FUT8: variants seen among roughly 807,000 people sequenced by gnomAD.
The protein encoded by FUT8 is alpha-(1,6)-fucosyltransferase.
FUT8 carries 29 observed loss-of-function variants against 71.3 expected under a neutral mutation model. The ratio of observed to expected loss-of-function variants is 0.41; its 90% CI spans 0.30 to 0.55. The LOEUF (loss-of-function observed/expected upper bound fraction) is 0.55, where lower values mean the gene tolerates loss of function less well. Ranked by LOEUF, FUT8 falls within the 20% of genes least tolerant of loss-of-function variation. The pLI is 0.34. For synonymous variants in FUT8, 254 were observed against 239.3 expected (o/e 1.06, Z -0.57); for missense variants, 544 against 702.1 (o/e 0.77, Z 2.55).
chr14:65,644,603 C>T (rs1176262243), intron 6 of FUT8, among the ~76,000 whole-genome samples: 12 of 151,982 alleles, frequency 7.9e-5, no homozygotes, highest in African/African-American at 1.5e-4. Context: ...CCTCGTGATC[C>T]GCCTGCCTCG....
At chr14:65,691,906 A>C (rs972662286) in intron 7 of FUT8, among the ~76,000 whole-genome samples, 10 of 152,230 alleles carry the variant, frequency 6.6e-5, no homozygotes, top group African/African-American at 2.4e-4. Context: ...TTCAGAGAGC[A>C]CTGGGTTGGG....
At chr14:65,368,763 C>T in the FUT8 span, among the ~76,000 whole-genome samples, 25 of 151,456 alleles carry the variant, frequency 1.7e-4, no homozygotes, top group East Asian at 4.3e-3. Context: ...CCTGGTGATC[C>T]GCCCCGCCTC....
chr14:65,365,032 A>T, the FUT8 span, among the ~76,000 whole-genome samples: 2 of 152,038 alleles, frequency 1.3e-5, no homozygotes, highest in Admixed American at 1.3e-4. Context: ...CTTCACATTA[A>T]TCTATTCTCC....
chr14:65,616,476 A>C, intron 5 of FUT8, 103 bp downstream of exon 5: 1 of 999,980 alleles, frequency 1.0e-6, no homozygotes, highest in Admixed American at 2.4e-5. Context: ...AAATATTAAT[A>C]GCACCTACAA....
chr14:65,432,538 T>G (rs1188437874), intron 1 of FUT8, among the ~76,000 whole-genome samples: 3 of 151,872 alleles, frequency 2.0e-5, no homozygotes, highest in East Asian at 3.9e-4. Context: ...TAAACAGGAG[T>G]TGGGTAAAAT....
intron 1 of FUT8, among the ~76,000 whole-genome samples, chr14:65,417,114 T>G (rs2065230796): frequency 1.3e-5 from 2 of 152,034 alleles, no homozygotes; most frequent in Non-Finnish European, 2.9e-5. Flanking sequence ...GATTTTTGTT[T>G]GTTTGTTTGT....
chr14:65,641,080 T>G (rs1371828405), intron 6 of FUT8, among the ~76,000 whole-genome samples: 3 of 152,194 alleles, frequency 2.0e-5, no homozygotes, highest in Admixed American at 6.5e-5. Flanking sequence ...AGTTTTGACG[T>G]ATACAGACAC....
intron 7 of FUT8, among the ~76,000 whole-genome samples, chr14:65,715,974 CA>C (rs36028848): frequency 9.9e-4 from 126 of 126,978 alleles, no homozygotes; most frequent in Middle Eastern, 8.6e-3. Context: ...GACCCTCTCT[CA>C]AAAAAAAAAA....
intron 2 of FUT8, among the ~76,000 whole-genome samples, chr14:65,552,962 C>T (rs1225053063): frequency 1.3e-5 from 2 of 152,008 alleles, no homozygotes; most frequent in Non-Finnish European, 2.9e-5. Context: ...GAAATACGTT[C>T]TTTTTTTCCC....
At chr14:65,424,739 C>T (rs1284956638) in intron 1 of FUT8, among the ~76,000 whole-genome samples, 1 of 152,056 alleles carries the variant, frequency 6.6e-6, no homozygotes, top group Non-Finnish European at 1.5e-5. Context: ...TAGCTCACTG[C>T]AACCTCTGCC....
intron 7 of FUT8, among the ~76,000 whole-genome samples, chr14:65,686,557 TAGTTTTAAG>T (rs1427125882): frequency 6.6e-6 from 1 of 152,250 alleles, no homozygotes; most frequent in Admixed American, 6.5e-5. Flanking sequence ...TTAAAGTTGT[TAGTTTTAAG>T]AGTTGTTTTT....
intron 2 of FUT8, among the ~76,000 whole-genome samples, chr14:65,505,866 G>C (rs2898818): frequency 0.69 from 104,581 of 151,834 alleles, 36,241 homozygotes; most frequent in East Asian, 0.86. Context: ...GTATCTCACC[G>C]TCATTCCTTA....
chr14:65,507,163 G>A (rs2066749047), intron 2 of FUT8, among the ~76,000 whole-genome samples: 1 of 152,164 alleles, frequency 6.6e-6, no homozygotes, highest in African/African-American at 2.4e-5. Flanking sequence ...AAGATTATAT[G>A]AGTAAACAAG....
At position 65,634,438 on chromosome 14, in the gene FUT8, G is replaced by T. The variant is rs376219973; in HGVS notation, c.597+4832G>T. ...GACACAAACACTGCGGAAGGCTGCA[G>T]GGTCCTCTGCCTAGGAAAACCAGAG... is the stretch of plus-strand genomic sequence containing the variant. On this transcript the variant is annotated intron_variant, in intron 6 of 10. Transcript: ENST00000673929. Among the ~76,000 whole-genome samples, 12 of 152,024 alleles carry T rather than the reference G, an allele frequency of 7.9e-5. No individual in the cohort carries two copies. In the East Asian group the frequency reaches 1.3e-3, roughly 17 times the overall value.
upstream of FUT8, among the ~76,000 whole-genome samples, chr14:65,409,437 T>G (rs2065101528): frequency 6.6e-6 from 1 of 152,202 alleles, no homozygotes; most frequent in South Asian, 2.1e-4. The surrounding 1 kb of genome is among the most constrained non-coding windows in gnomAD (Gnocchi z 5.4). Flanking sequence ...AAGGTTTGAT[T>G]TGAGAATTAA....
In FUT8 at chr14:65,595,631, C is replaced by T. The variant is rs866571652; in HGVS notation, c.204-20347C>T. Among the ~76,000 whole-genome samples the T allele has an allele frequency of 2.5e-3, 215 of 86,270 alleles. 2 individuals carry two copies. Among genetic ancestry groups the T allele is most frequent in the South Asian group, 8.8e-3 (19 of 2,164 alleles). The allele number at this position is 86,270 out of a possible 152,430, so 56.6% of individuals were successfully genotyped here. On this transcript the variant is annotated intron_variant, in intron 3 of 10. Transcript: ENST00000673929. Reference sequence around the variant, plus strand: ...TTTTTTTTTTTTTTTTTTTTTGAGACGGAGTCTCTCTCTGTCACCCAGGCT... The same window carrying T: ...TTTTTTTTTTTTTTTTTTTTTGAGATGGAGTCTCTCTCTGTCACCCAGGCT...
the FUT8 span, among the ~76,000 whole-genome samples, chr14:65,367,477 G>A: frequency 6.6e-6 from 1 of 152,134 alleles, no homozygotes; most frequent in Non-Finnish European, 1.5e-5. Flanking sequence ...GCCCAATTTG[G>A]AAGGGTGGTA....
intron 2 of FUT8, among the ~76,000 whole-genome samples, chr14:65,538,315 G>A (rs1183404896): frequency 6.6e-6 from 1 of 152,178 alleles, no homozygotes; most frequent in African/African-American, 2.4e-5. Context: ...CACCCTCTCC[G>A]CTGGAGTTGT....
rs1477665816 is a variant in FUT8, at chr14:65,561,500, GA to G, written c.-63del. The stretch of plus-strand genomic sequence containing the variant: ...TTCACCTGTGCACTAACTAGAAACA[GA>G]GTTACAATGTTTTCAATTCTTTGAG... On this transcript the variant is annotated 5_prime_UTR_variant, in exon 3 of 11. Coordinates refer to ENST00000673929, the MANE Select transcript of FUT8 (RefSeq NM_001371533.1). The G allele has an allele frequency of 6.7e-7, 1 of 1,486,550 alleles. No individual in the cohort carries two copies. The highest frequency in any genetic ancestry group is 2.3e-5 in the East Asian group (1 of 44,224). 92.1% of individuals were successfully genotyped at this position (1,486,550 alleles called of 1,614,324 possible). A position where few individuals can be genotyped will look rare whatever the true frequency, so the allele number is the denominator to read the frequency against.
Sources: allele counts gnomAD v4.1 joint callset (sites outside exome capture counted in the v4.1 genomes callset), GRCh38; gene constraint gnomAD v4.1.1; non-coding constraint Gnocchi (gnomAD v3.1); transcripts MANE v1.5; gene names NCBI Gene and HGNC (gene_info 2026-07-23, HGNC 2026-07-21).